Variants in VWA5B1 observed in about 807,000 individuals in gnomAD.
VWA5B1 encodes the protein von Willebrand factor A domain containing 5B1.
In VWA5B1, 115 loss-of-function variants were observed where a neutral mutation model predicts 118.2. That is an observed-to-expected ratio of 0.97 (90% CI 0.84 to 1.14). The LOEUF is 1.14. Ranked by LOEUF, VWA5B1 falls within the 50% of genes most tolerant of loss-of-function variation. The pLI is 0.00. For synonymous variants in VWA5B1, 682 were observed against 658.4 expected (o/e 1.04, Z -0.55); for missense variants, 1,596 against 1,603.8 (o/e 1.00, Z 0.08).
intron 9 of VWA5B1, among the ~76,000 whole-genome samples, chr1:20,328,250 T>C (rs990246941): frequency 6.6e-6 from 1 of 152,056 alleles, no homozygotes; most frequent in Non-Finnish European, 1.5e-5. Flanking sequence ...GCAAAGTGTG[T>C]GTGTGTACAG....
intron 1 of VWA5B1, among the ~76,000 whole-genome samples, chr1:20,291,600 C>T (rs1046572402): frequency 6.6e-6 from 1 of 152,008 alleles, no homozygotes; most frequent in Non-Finnish European, 1.5e-5. Flanking sequence ...GTCAGTCCCC[C>T]ATCATCCCTC....
In VWA5B1 at chr1:20,337,183, A is replaced by G. The variant is rs568100881; in HGVS notation, c.1943-463A>G. ...CACTCTGTCACCCAGGCTGGAGTGC[A>G]GTGGTACGATCTCTGTTCACTGCAA... On this transcript the variant is annotated intron_variant, in intron 13 of 21. Coordinates refer to ENST00000289815, the MANE Select transcript of VWA5B1 (RefSeq NM_001039500.3). Among the ~76,000 whole-genome samples the G allele has an allele frequency of 3.2e-4, 49 of 152,194 alleles. No individual in the cohort carries two copies. In the South Asian group the frequency reaches 7.1e-3, roughly 22 times the overall value.
chr1:20,351,460 T>A (rs1419182141), intron 20 of VWA5B1, among the ~76,000 whole-genome samples: 2 of 152,160 alleles, frequency 1.3e-5, no homozygotes, highest in Non-Finnish European at 2.9e-5. Flanking sequence ...GAGACCAGCC[T>A]GACCAACATG....
At chr1:20,291,447 G>C (rs80049779) in intron 1 of VWA5B1, among the ~76,000 whole-genome samples, 1 of 133,002 alleles carries the variant, frequency 7.5e-6, no homozygotes, top group Non-Finnish European at 1.5e-5. Context: ...TCTCTTTCTC[G>C]TTTGCTTTCT....
At chr1:20,325,004 C>T (rs1391852339) in intron 8 of VWA5B1, among the ~76,000 whole-genome samples, 2 of 152,196 alleles carry the variant, frequency 1.3e-5, no homozygotes, top group Non-Finnish European at 2.9e-5. Context: ...TAAGATGTCT[C>T]AGTTACCCTA....
At chr1:20,319,947 TG>T (rs140681119) in intron 7 of VWA5B1, among the ~76,000 whole-genome samples, 10,012 of 152,030 alleles carry the variant, frequency 0.066, 358 homozygotes, top group Middle Eastern at 0.079. Context: ...AAAGGCAGAG[TG>T]GGGAAAGCCT....
chr1:20,328,008 G>T lies in VWA5B1; in HGVS notation c.1254+8G>T. 6.4e-7 allele frequency: 1 copy of T among 1,550,820 alleles called. No individual in the cohort carries two copies. Among genetic ancestry groups the T allele is most frequent in the Non-Finnish European group, 8.7e-7 (1 of 1,146,282 alleles). ...AGCCAGACCTACAGTGAGGTAATGA[G>T]GGGGCAAGGCTGGGACCAGGAGGGT... On this transcript the variant is annotated splice_region_variant and intron_variant, in intron 9 of 21. Coordinates refer to ENST00000289815, the MANE Select transcript of VWA5B1 (RefSeq NM_001039500.3).
At chr1:20,340,162 C>A (rs908066635) in intron 14 of VWA5B1, among the ~76,000 whole-genome samples, 3 of 151,814 alleles carry the variant, frequency 2.0e-5, no homozygotes, top group African/African-American at 7.3e-5. Flanking sequence ...CCTGATGCCC[C>A]CTTATGCATG....
Position 20,357,467 on chromosome 1 carries a change from A to G in VWA5B1, c.*3204A>G, listed in dbSNP as rs1433956739. 6.6e-6 allele frequency among the ~76,000 whole-genome samples: 1 copy of G among 152,338 alleles called. No individual in the cohort carries two copies. The highest frequency in any genetic ancestry group is 3.4e-3 in the Middle Eastern group (1 of 294). On this transcript the variant is annotated 3_prime_UTR_variant, in exon 22 of 22. Transcript: ENST00000289815. ...TGTTACTGTGCGTTGTCAGGCTCCG[A>G]GCAGGTGACCCAGCAGCAGCTCTTC...
At chr1:20,296,018 A>G (rs1340029089) in intron 1 of VWA5B1, among the ~76,000 whole-genome samples, 1 of 152,126 alleles carries the variant, frequency 6.6e-6, no homozygotes, top group Non-Finnish European at 1.5e-5. Flanking sequence ...GTGCACCACC[A>G]AGCCTGGCTA....
At chr1:20,351,767 G>A (rs748029995) in intron 20 of VWA5B1, among the ~76,000 whole-genome samples, 32 of 152,184 alleles carry the variant, frequency 2.1e-4, no homozygotes, top group Non-Finnish European at 4.6e-4. Context: ...AGCTACGATT[G>A]TGTCCCTCCA....
chr1:20,317,697 G>A (rs1396474619), intron 5 of VWA5B1, 22 bp downstream of exon 5: 6 of 1,542,334 alleles, frequency 3.9e-6, no homozygotes, highest in African/African-American at 1.4e-5. Flanking sequence ...ACATCCAGAC[G>A]GGATGGGTGA....
intron 7 of VWA5B1, among the ~76,000 whole-genome samples, chr1:20,321,940 T>C (rs528148518): frequency 1.3e-5 from 2 of 152,278 alleles, no homozygotes; most frequent in South Asian, 4.1e-4. Context: ...GGGCACTGCT[T>C]GAGCAAGAGA....
Position 20,312,872 on chromosome 1 carries a change from T to C in VWA5B1, c.176T>C (p.Val59Ala). Residue 59 changes from valine (V) to alanine (A), a missense_variant, in exon 3 of 22, where the codon GTG becomes GCG. Physicochemically the swap from Val to Ala is moderately conservative, Grantham distance 64 (BLOSUM62 0). Coordinates refer to ENST00000289815, the MANE Select transcript of VWA5B1 (RefSeq NM_001039500.3). ...FVYPLDECTT[V>A]IGFEAVIADR... ...TACCCCCTGGATGAGTGCACCACGG[T>C]GATCGGCTTTGAGGCAGTCATTGCC... 9 of 1,551,662 alleles carry C rather than the reference T, an allele frequency of 5.8e-6. No homozygotes were observed. Among genetic ancestry groups the C allele is most frequent in the Non-Finnish European group, 7.8e-6 (9 of 1,146,962 alleles).
chr1:20,339,913 A>G (rs762462660), intron 14 of VWA5B1, among the ~76,000 whole-genome samples: 10 of 152,206 alleles, frequency 6.6e-5, no homozygotes, highest in Non-Finnish European at 1.3e-4. Context: ...ACTGCCATCC[A>G]TCAAAAGATA....
In VWA5B1 at chr1:20,336,288, T is replaced by A. The variant is rs1431038713; in HGVS notation, c.1759-15T>A. 7.2e-7 allele frequency: 1 copy of A among 1,388,324 alleles called. No homozygotes were observed. The highest frequency in any genetic ancestry group is 9.5e-7 in the Non-Finnish European group (1 of 1,057,272). 86.0% of individuals were successfully genotyped at this position (1,388,324 alleles called of 1,614,324 possible). A position where few individuals can be genotyped will look rare whatever the true frequency, so the allele number is the denominator to read the frequency against. On this transcript the variant is annotated splice_polypyrimidine_tract_variant and intron_variant, in intron 12 of 21. Coordinates refer to ENST00000289815, the MANE Select transcript of VWA5B1 (RefSeq NM_001039500.3). ...TAGCCTCACTCCTAGCCCTCTTTTC[T>A]GTTTCTCCCTACAGGACAAGAGGCG...
At chr1:20,351,370 T>C (rs1334948216) in intron 20 of VWA5B1, among the ~76,000 whole-genome samples, 2 of 150,956 alleles carry the variant, frequency 1.3e-5, no homozygotes, top group Non-Finnish European at 3.0e-5. Flanking sequence ...AATTTAAAAA[T>C]AGGCCAGGCA....
intron 9 of VWA5B1, 117 bp from the exon 10 acceptor site, chr1:20,330,063 C>T (rs2089501566): frequency 8.6e-7 from 1 of 1,168,954 alleles, no homozygotes; most frequent in Admixed American, 2.1e-5. Flanking sequence ...AAATTGGGAG[C>T]ATGGGTCAAC....
At chr1:20,291,799 C>T (rs1281624807) in intron 1 of VWA5B1, among the ~76,000 whole-genome samples, 1 of 152,186 alleles carries the variant, frequency 6.6e-6, no homozygotes, top group Non-Finnish European at 1.5e-5. Flanking sequence ...AAAAGGTCCT[C>T]GGGCAGAAGG....
Sources: gnomAD v4.1 joint callset for allele counts (sites outside exome capture counted in the v4.1 genomes callset) on GRCh38, gnomAD v4.1.1 for gene constraint, MANE v1.5 for transcripts, NCBI Gene and HGNC (gene_info 2026-07-23, HGNC 2026-07-21) for gene names.